The following EIF5 variants were observed in gnomAD, a reference collection of about 807,000 sequenced individuals.
EIF5 encodes eukaryotic translation initiation factor 5.
In EIF5, 10 loss-of-function variants were observed where a neutral mutation model predicts 48.3. The observed-to-expected ratio is 0.21, with a 90% CI of 0.13 to 0.35. The LOEUF (loss-of-function observed/expected upper bound fraction) is 0.35, where lower values mean the gene tolerates loss of function less well. Among genes scored for constraint, EIF5 ranks in the 10% least tolerant of loss-of-function variants. The probability of loss-of-function intolerance (pLI) is 1.00; values close to 1 mark genes in which losing one functional copy is unlikely to be tolerated. For synonymous variants in EIF5, 237 were observed against 173.1 expected (o/e 1.37, Z -2.90); for missense variants, 397 against 533.2 (o/e 0.74, Z 2.51).
intron 6 of EIF5, chr14:103,337,771 C>A: frequency 2.3e-6 from 1 of 444,402 alleles, no homozygotes; most frequent in East Asian, 5.8e-5. Flanking sequence ...GACTAAAATT[C>A]TGCTGGAAAC....
At chr14:103,337,446 A>G in intron 6 of EIF5, 1 of 521,606 alleles carries the variant, frequency 1.9e-6, no homozygotes, top group South Asian at 2.6e-5. Flanking sequence ...TACTAAAAAC[A>G]CAAAAACTAG....
At chr14:103,336,653 C>T (rs765365088) in intron 4 of EIF5, 24 bp from the exon 5 acceptor site, 22 of 1,587,010 alleles carry the variant, frequency 1.4e-5, no homozygotes, top group Non-Finnish European at 1.6e-5. Flanking sequence ...TGTAACGATC[C>T]AAACTCCTTT....
Position 103,344,637 on chromosome 14 carries a change from G to A in EIF5, c.*3585G>A, listed in dbSNP as rs1483567652. ...GCAGTCAGAAGCAATGCCTGGCTGG[G>A]GCAGTAGGGGAAATTCCACCCAATT... On this transcript the variant is annotated 3_prime_UTR_variant, in exon 12 of 12. Transcript: ENST00000216554. 3.3e-5 allele frequency: 5 copies of A among 152,094 alleles called. No homozygotes were observed. The highest frequency in any genetic ancestry group is 3.1e-3 in the Middle Eastern group (1 of 318). 9.4% of individuals were successfully genotyped at this position (152,094 alleles called of 1,614,324 possible).
chr14:103,338,148 T>TA (rs1262970404), intron 6 of EIF5, 179 bp from the exon 7 acceptor site: 2 of 858,222 alleles, frequency 2.3e-6, no homozygotes, highest in South Asian at 3.3e-5. Context: ...CTAACATTCT[T>TA]ACGTATGAAA....
chr14:103,334,681 C>T (rs1331325797), intron 2 of EIF5, 84 bp downstream of exon 2: 1 of 146,534 alleles, frequency 6.8e-6, no homozygotes, highest in Non-Finnish European at 1.5e-5. Context: ...CGGCGTGTGG[C>T]GCAGTTTGGG....
In EIF5 at chr14:103,338,317, T is replaced by A; in HGVS notation, c.440-10T>A. On this transcript the variant is annotated splice_polypyrimidine_tract_variant and intron_variant, in intron 6 of 11. Coordinates refer to ENST00000216554, the MANE Select transcript of EIF5 (RefSeq NM_001969.5). ...TGGGGTTAAATTTTTATTTCCCTTT[T>A]TTTCTGTAGAGAATAGTGACAGTGG... 2.5e-6 allele frequency: 4 copies of A among 1,608,850 alleles called. No homozygotes were observed. Among genetic ancestry groups the A allele is most frequent in the Non-Finnish European group, 3.4e-6 (4 of 1,178,398 alleles).
At chr14:103,339,826 C>T (rs1230041764) in intron 10 of EIF5, 23 bp downstream of exon 10, 4 of 1,604,314 alleles carry the variant, frequency 2.5e-6, no homozygotes, top group Admixed American at 1.7e-5. Context: ...TAGGTGGGCT[C>T]TTAAAGTTCA....
chr14:103,336,239 G>T (rs1050017373), intron 4 of EIF5, 122 bp downstream of exon 4: 5 of 1,034,484 alleles, frequency 4.8e-6, no homozygotes, highest in Non-Finnish European at 7.0e-6. Context: ...GTGAGGAACC[G>T]TGGTTTATTG....
chr14:103,335,661 C>G lies in EIF5; in HGVS notation c.-200C>G, dbSNP rs2089276539. On this transcript the variant is annotated 5_prime_UTR_variant, in exon 3 of 12. Transcript: ENST00000216554. ...TTCCCTTTTTCTTTCAGAGCTGTTG[C>G]GCAGCCATTGGTACCTGTATTGGGG... 3.4e-6 allele frequency: 2 copies of G among 581,976 alleles called. No homozygotes were observed. The highest frequency in any genetic ancestry group is 6.1e-6 in the Non-Finnish European group (2 of 326,756). 36.1% of individuals were successfully genotyped at this position (581,976 alleles called of 1,614,324 possible).
chr14:103,336,422 A>G, intron 4 of EIF5: 1 of 552,018 alleles, frequency 1.8e-6, no homozygotes, highest in South Asian at 2.3e-5. Flanking sequence ...GTCTACTACT[A>G]ATACAAAAAT....
rs910265566 is a variant in EIF5 at position 103,340,915 on chromosome 14, T to C, written c.1207-48T>C. The C allele has an allele frequency of 2.5e-6, 4 of 1,573,960 alleles. No individual in the cohort carries two copies. In the Admixed American group the frequency reaches 6.7e-5, roughly 26 times the overall value. On this transcript the variant is annotated intron_variant, in intron 11 of 11. Coordinates refer to ENST00000216554, the MANE Select transcript of EIF5 (RefSeq NM_001969.5). ...CCACAATTTACATTGATTTGTTTTA[T>C]AAACAGATTTATCAGCTTATGTTGA...
chr14:103,337,025 C>T (rs757135944), intron 5 of EIF5, 91 bp from the exon 6 acceptor site: 4 of 1,372,308 alleles, frequency 2.9e-6, no homozygotes, highest in South Asian at 1.4e-5. Flanking sequence ...AAAAAGTTTT[C>T]TTTGCATGTG....
chr14:103,335,920 T>C lies in EIF5; in HGVS notation c.60T>C (p.Arg20=). ...SDQFYRYKMP[R]LIAKVEGKGN... ...AGTTCTATCGCTACAAGATGCCCCGTCTGATTGCCAAGGTAATAAACTGCT... is the reference window on the plus strand; with the variant it reads ...AGTTCTATCGCTACAAGATGCCCCGCCTGATTGCCAAGGTAATAAACTGCT... The change falls in exon 3 of 12, where the codon CGT becomes CGC. Residue 20 remains arginine, a synonymous_variant. Transcript: ENST00000216554. The C allele has an allele frequency of 1.9e-6, 3 of 1,614,202 alleles. No individual in the cohort carries two copies. The highest frequency in any genetic ancestry group is 2.5e-6 in the Non-Finnish European group (3 of 1,180,022).
At chr14:103,336,295 T>A (rs368241449) in intron 4 of EIF5, 178 bp downstream of exon 4, 1 of 712,042 alleles carries the variant, frequency 1.4e-6, no homozygotes, top group Non-Finnish European at 2.3e-6. Context: ...ATTTAAAGAG[T>A]GGATGGCTGG....
chr14:103,339,889 C>CCAAA, intron 10 of EIF5, 86 bp downstream of exon 10: 1 of 1,441,694 alleles, frequency 6.9e-7, no homozygotes, highest in Non-Finnish European at 9.3e-7. Flanking sequence ...GACGGAGTCT[C>CCAAA]ATTCTGTTGT....
Position 103,344,151 on chromosome 14 carries a change from A to G in EIF5, c.*3099A>G, listed in dbSNP as rs568663975. 5.3e-5 allele frequency: 8 copies of G among 152,332 alleles called. No homozygotes were observed. The highest frequency in any genetic ancestry group is 4.1e-4 in the South Asian group (2 of 4,826). The allele number at this position is 152,332 out of a possible 1,614,324, so 9.4% of individuals were successfully genotyped here. A position where few individuals can be genotyped will look rare whatever the true frequency, so the allele number is the denominator to read the frequency against. On this transcript the variant is annotated 3_prime_UTR_variant, in exon 12 of 12. Coordinates refer to ENST00000216554, the MANE Select transcript of EIF5 (RefSeq NM_001969.5). Reference sequence around the variant, plus strand: ...ACATTCCATAAGTGGGGTGACAGCAAATGACTTGCAGGTAGTCTCATTGTA... The same window carrying G: ...ACATTCCATAAGTGGGGTGACAGCAGATGACTTGCAGGTAGTCTCATTGTA...
chr14:103,338,055 C>T (rs1370672925), intron 6 of EIF5: 1 of 580,216 alleles, frequency 1.7e-6, no homozygotes, highest in Non-Finnish European at 3.2e-6. Context: ...GCCACCTCTC[C>T]CTAGTGGAGG....
Position 103,334,518 on chromosome 14 carries a change from ACTCGGG to A in EIF5, c.-287_-282del, listed in dbSNP as rs1024334405. The A allele has an allele frequency of 4.0e-5, 6 of 150,876 alleles. No homozygotes were observed. The highest frequency in any genetic ancestry group is 1.3e-4 in the Admixed American group (2 of 15,178). 9.3% of individuals were successfully genotyped at this position (150,876 alleles called of 1,614,324 possible). Reference sequence around the variant, plus strand: ...TTCGCCTCCGCCTCCTCGGACTCGGACTCGGGTTTATATCGCGCCTCACTTCATCCC... The same window carrying A: ...TTCGCCTCCGCCTCCTCGGACTCGGATTTATATCGCGCCTCACTTCATCCC... On this transcript the variant is annotated 5_prime_UTR_variant, in exon 2 of 12. Transcript: ENST00000216554.
At chr14:103,338,185 C>G (rs941286719) in intron 6 of EIF5, 142 bp from the exon 7 acceptor site, 3 of 1,170,710 alleles carry the variant, frequency 2.6e-6, no homozygotes, top group Admixed American at 2.2e-5. Flanking sequence ...TCTGTGAAGC[C>G]TCTTAGGTAG....
Sources: gnomAD v4.1 joint callset for allele counts on GRCh38, gnomAD v4.1.1 for gene constraint, MANE v1.5 for transcripts, NCBI Gene and HGNC (gene_info 2026-07-23, HGNC 2026-07-21) for gene names.